GUCY1A2: variants seen among roughly 807,000 people sequenced by gnomAD.
GUCY1A2 encodes guanylate cyclase soluble subunit alpha-2.
A neutral mutation model predicts 63.5 loss-of-function variants in GUCY1A2; 27 were observed. That is an observed-to-expected ratio of 0.43 (90% CI 0.31 to 0.59). The LOEUF is 0.59. Ranked by LOEUF, GUCY1A2 falls within the 20% of genes least tolerant of loss-of-function variation. GUCY1A2 has a pLI of 0.11. For synonymous variants in GUCY1A2, 364 were observed against 343.5 expected (o/e 1.06, Z -0.66); for missense variants, 768 against 913.3 (o/e 0.84, Z 2.05).
At chr11:106,824,140 C>T (rs1858937098) in intron 4 of GUCY1A2, 1 of 1,465,562 alleles carries the variant, frequency 6.8e-7, no homozygotes. Flanking sequence ...GAGGCACATG[C>T]TATTACTGTG....
intron 4 of GUCY1A2, among the ~76,000 whole-genome samples, chr11:106,919,243 C>T (rs550153203): frequency 6.6e-6 from 1 of 152,132 alleles, no homozygotes; most frequent in South Asian, 2.1e-4. Flanking sequence ...AATTGGCATA[C>T]GTTGGTCAAA....
At chr11:106,775,708 G>A (rs887384786) in intron 6 of GUCY1A2, among the ~76,000 whole-genome samples, 1 of 41,224 alleles carries the variant, frequency 2.4e-5, no homozygotes, top group Non-Finnish European at 4.4e-5. Flanking sequence ...CCGCCCCCGT[G>A]TTTTCTTAAC....
intron 6 of GUCY1A2, among the ~76,000 whole-genome samples, chr11:106,741,135 TAAAAAC>T (rs900223353): frequency 6.6e-6 from 1 of 152,200 alleles, no homozygotes; most frequent in Non-Finnish European, 1.5e-5. Flanking sequence ...ATAGGCATGT[TAAAAAC>T]AAAAAAGTCC....
intron 5 of GUCY1A2, among the ~76,000 whole-genome samples, chr11:106,793,928 G>A (rs1864707792): frequency 6.6e-6 from 1 of 152,118 alleles, no homozygotes; most frequent in Admixed American, 6.6e-5. Context: ...AGCTATTATG[G>A]AAAACACAAT....
At chr11:106,937,253 T>C (rs1860691947) in intron 4 of GUCY1A2, among the ~76,000 whole-genome samples, 1 of 152,214 alleles carries the variant, frequency 6.6e-6, no homozygotes, top group African/African-American at 2.4e-5. Flanking sequence ...GTTTAAATGA[T>C]AATTGCATCT....
chr11:106,939,753 G>T lies in GUCY1A2; in HGVS notation c.913C>A (p.Leu305Ile), dbSNP rs1860726889. The change falls in exon 4 of 8, where the codon CTT (leucine) becomes ATT (isoleucine). Residue 305 changes from leucine (L) to isoleucine (I), a missense_variant. By Grantham distance (5) the Leu-to-Ile change is conservative (BLOSUM62 2). Around this residue, in one of 3 missense-constraint regions of GUCY1A2, gnomAD observed 496 missense variants for 486.9 expected, o/e 1.02. Coordinates refer to ENST00000526355, the MANE Select transcript of GUCY1A2 (RefSeq NM_000855.3). ...ECENTNIMKN[L>I]PQGTSQVPAD... ...GGAACTTGGGAGGTTCCCTGTGGAAGGTTCTTCATGATATTAGTATTTTCA... is the reference window on the plus strand; with the variant it reads ...GGAACTTGGGAGGTTCCCTGTGGAATGTTCTTCATGATATTAGTATTTTCA... 6.2e-7 allele frequency: 1 copy of T among 1,613,960 alleles called. No individual in the cohort carries two copies. The highest frequency in any genetic ancestry group is 8.5e-7 in the Non-Finnish European group (1 of 1,179,860).
chr11:106,709,538 ATAT>A lies in GUCY1A2; in HGVS notation c.1837-875_1837-873del, dbSNP rs1255314254. On this transcript the variant is annotated intron_variant, in intron 6 of 7. Coordinates refer to ENST00000526355, the MANE Select transcript of GUCY1A2 (RefSeq NM_000855.3). ...TCTATAAATATAATAATAATATAAT[ATAT>A]TATATTATTATATAAATATGTTATA... Among the ~76,000 whole-genome samples, 3 of 67,230 alleles carry A rather than the reference ATAT, an allele frequency of 4.5e-5. No individual in the cohort carries two copies. In the East Asian group the frequency reaches 8.6e-4, roughly 19 times the overall value. 44.1% of individuals were successfully genotyped at this position (67,230 alleles called of 152,430 possible).
intron 6 of GUCY1A2, among the ~76,000 whole-genome samples, chr11:106,720,933 G>A (rs1863304977): frequency 1.3e-5 from 2 of 152,194 alleles, no homozygotes; most frequent in African/African-American, 4.8e-5. Context: ...GAAACTGGGT[G>A]TGGGATACTT....
At chr11:106,854,621 G>T (rs1053168619) in intron 4 of GUCY1A2, among the ~76,000 whole-genome samples, 2 of 152,166 alleles carry the variant, frequency 1.3e-5, no homozygotes, top group African/African-American at 4.8e-5. Context: ...CAACAGTGGC[G>T]ATCAGGGCAG....
chr11:106,827,005 G>T, intron 4 of GUCY1A2: 1 of 1,609,384 alleles, frequency 6.2e-7, no homozygotes, highest in Admixed American at 1.7e-5. Flanking sequence ...CACATAGACA[G>T]GCCACATCTC....
At chr11:106,779,943 G>C (rs1249318351) in intron 5 of GUCY1A2, among the ~76,000 whole-genome samples, 1 of 152,196 alleles carries the variant, frequency 6.6e-6, no homozygotes, top group African/African-American at 2.4e-5. Flanking sequence ...CATTTTGGGA[G>C]ACCAAGGCAG....
intron 4 of GUCY1A2, among the ~76,000 whole-genome samples, chr11:106,877,273 T>C (rs764344104): frequency 3.9e-5 from 6 of 152,050 alleles, no homozygotes; most frequent in Non-Finnish European, 8.8e-5. Flanking sequence ...CAAACAGGGA[T>C]AGTTTCACTT....
rs1278053015 is a variant in GUCY1A2 at position 106,686,397 on chromosome 11, T to G, written c.*1152A>C. 4.6e-6 allele frequency: 1 copy of G among 219,056 alleles called. No individual in the cohort carries two copies. The highest frequency in any genetic ancestry group is 6.7e-5 in the East Asian group (1 of 14,968). The allele number at this position is 219,056 out of a possible 1,614,324, so 13.6% of individuals were successfully genotyped here. ...AAACTGCAGAACATTTTTTAAAACC[T>G]CAAAGCCATAAAATACAGAGGTTTC... On this transcript the variant is annotated 3_prime_UTR_variant, in exon 8 of 8. Coordinates refer to ENST00000526355, the MANE Select transcript of GUCY1A2 (RefSeq NM_000855.3).
At chr11:106,816,227 A>C (rs1472920881) in intron 4 of GUCY1A2, among the ~76,000 whole-genome samples, 1 of 150,254 alleles carries the variant, frequency 6.7e-6, no homozygotes, top group Non-Finnish European at 1.5e-5. Context: ...ACCAAATCCT[A>C]GGCCATAAAA....
At chr11:106,861,503 A>C (rs2135457559) in intron 4 of GUCY1A2, among the ~76,000 whole-genome samples, 1 of 152,104 alleles carries the variant, frequency 6.6e-6, no homozygotes, top group East Asian at 1.9e-4. Flanking sequence ...GTTCTGAAAT[A>C]ATCATCTTCC....
intron 3 of GUCY1A2, among the ~76,000 whole-genome samples, chr11:106,953,165 T>C (rs765364297): frequency 8.5e-5 from 13 of 152,194 alleles, no homozygotes; most frequent in African/African-American, 1.9e-4. Context: ...GGCTGTGGGT[T>C]TGTCATAAAT....
At chr11:106,718,077 G>A (rs116900609) in intron 6 of GUCY1A2, among the ~76,000 whole-genome samples, 4,535 of 152,232 alleles carry the variant, frequency 0.03, 105 homozygotes, top group South Asian at 0.07. Flanking sequence ...CAGTCTGATG[G>A]TGTCAGAATG....
chr11:106,740,145 C>T (rs557107500), intron 6 of GUCY1A2, among the ~76,000 whole-genome samples: 1 of 151,884 alleles, frequency 6.6e-6, no homozygotes, highest in African/African-American at 2.4e-5. Flanking sequence ...ATTACAGGCA[C>T]CCACCACCAT....
At chr11:106,998,030 C>A (rs189257075) in intron 1 of GUCY1A2, among the ~76,000 whole-genome samples, 2 of 151,968 alleles carry the variant, frequency 1.3e-5, no homozygotes, top group Admixed American at 1.3e-4. Flanking sequence ...TTAAAAAAAA[C>A]AGTATAGTTG....
Sources: allele counts gnomAD v4.1 joint callset (sites outside exome capture counted in the v4.1 genomes callset), GRCh38; gene constraint gnomAD v4.1.1; regional missense constraint gnomAD v4.1.1; transcripts MANE v1.5; gene names NCBI Gene and HGNC (gene_info 2026-07-23, HGNC 2026-07-21).